NRG3: variants seen among roughly 807,000 people sequenced by gnomAD.
The protein encoded by NRG3 is pro-neuregulin-3, membrane-bound isoform.
A neutral mutation model predicts 66.9 loss-of-function variants in NRG3; 31 were observed. The observed-to-expected ratio is 0.46, with a 90% CI of 0.35 to 0.63. The LOEUF (loss-of-function observed/expected upper bound fraction) is 0.63, where lower values mean the gene tolerates loss of function less well. Ranked by LOEUF, NRG3 falls within the 20% of genes least tolerant of loss-of-function variation. NRG3 has a pLI of 0.00. For synonymous variants in NRG3, 393 were observed against 359.4 expected (o/e 1.09, Z -1.06); for missense variants, 910 against 878.9 (o/e 1.04, Z -0.45).
chr10:82,373,955 C>T (rs1322136746), intron 2 of NRG3, among the ~76,000 whole-genome samples: 1 of 152,122 alleles, frequency 6.6e-6, no homozygotes, highest in Non-Finnish European at 1.5e-5. Flanking sequence ...CCTTTGTGAG[C>T]AAAACCTCTG....
intron 3 of NRG3, among the ~76,000 whole-genome samples, chr10:82,832,445 G>A (rs1344216598): frequency 1.3e-5 from 2 of 152,076 alleles, no homozygotes; most frequent in Admixed American, 6.6e-5. Flanking sequence ...TGTAGTGGTG[G>A]GAGTACAGAT....
At chr10:82,290,690 A>G (rs1418630226) in intron 1 of NRG3, among the ~76,000 whole-genome samples, 1 of 151,532 alleles carries the variant, frequency 6.6e-6, no homozygotes, top group Admixed American at 6.6e-5. Context: ...GCTAGAGTGC[A>G]GTGGCGCGAT....
chr10:81,963,566 A>C (rs2133300237), intron 1 of NRG3, among the ~76,000 whole-genome samples: 1 of 152,312 alleles, frequency 6.6e-6, no homozygotes, highest in South Asian at 2.1e-4. Flanking sequence ...TTGTTGTCTA[A>C]GTTTTGCCTT....
At chr10:82,702,594 G>A (rs2055969425) in intron 2 of NRG3, among the ~76,000 whole-genome samples, 2 of 152,156 alleles carry the variant, frequency 1.3e-5, no homozygotes, top group Non-Finnish European at 2.9e-5. Context: ...GAGTGAGGCA[G>A]ATACAGTGCG....
rs563905343 is a variant in NRG3, at chr10:82,762,510, G to T, written c.1027+23860G>T. On this transcript the variant is annotated intron_variant, in intron 3 of 8. Coordinates refer to ENST00000372141, the MANE Select transcript of NRG3 (RefSeq NM_001010848.4). ...CAAATGATACATGAAATCTGACAGTGATAGCAATACATTGAATATATAAAT... is the reference window on the plus strand; with the variant it reads ...CAAATGATACATGAAATCTGACAGTTATAGCAATACATTGAATATATAAAT... 6.6e-5 allele frequency among the ~76,000 whole-genome samples: 10 copies of T among 152,202 alleles called. No individual in the cohort carries two copies. The South Asian group carries it at 2.1e-3, about 32-fold the overall frequency.
In NRG3 at chr10:82,453,037, G is replaced by C. The variant is rs1248597774; in HGVS notation, c.953+94169G>C. ...TCTAAAAGAGGAGTATGAATCCTTA[G>C]TAGACAGTTTTCCAACTGTACCACT... is the stretch of plus-strand genomic sequence containing the variant. On this transcript the variant is annotated intron_variant, in intron 2 of 8. Coordinates refer to ENST00000372141, the MANE Select transcript of NRG3 (RefSeq NM_001010848.4). Among the ~76,000 whole-genome samples the C allele has an allele frequency of 3.9e-5, 6 of 152,112 alleles. No homozygotes were observed. The East Asian group carries it at 1.2e-3, about 29-fold the overall frequency.
intron 2 of NRG3, among the ~76,000 whole-genome samples, chr10:82,489,581 A>AC (rs1183008120): frequency 6.6e-6 from 1 of 152,094 alleles, no homozygotes; most frequent in Non-Finnish European, 1.5e-5. Flanking sequence ...ATTGTCACAA[A>AC]CAGGGGGCTG....
chr10:82,810,994 T>G (rs1023781376), intron 3 of NRG3, among the ~76,000 whole-genome samples: 3 of 152,174 alleles, frequency 2.0e-5, no homozygotes, highest in Non-Finnish European at 4.4e-5. Context: ...TGTCCTTTAC[T>G]TGCAGTGTTC....
Position 81,875,485 on chromosome 10 carries a change from C to T in NRG3, c.145C>T (p.Pro49Ser). Residue 49 changes from proline (P) to serine (S), a missense_variant, in exon 1 of 9, where the codon CCC becomes TCC. Coordinates refer to ENST00000372141, the MANE Select transcript of NRG3 (RefSeq NM_001010848.4). The surrounding 1 kb of genome is among the most constrained non-coding windows in gnomAD (Gnocchi z 5.3). ...DGGGEGAAEP[P>S]RELRCSDCIV... ...CGGCGGCGAAGGGGCGGCCGAGCCC[C>T]CCCGGGAGTTACGCTGTAGCGACTG... 6.7e-7 allele frequency: 1 copy of T among 1,491,444 alleles called. No individual in the cohort carries two copies. 92.4% of individuals were successfully genotyped at this position (1,491,444 alleles called of 1,614,324 possible).
intron 2 of NRG3, among the ~76,000 whole-genome samples, chr10:82,401,357 A>G (rs2087090560): frequency 6.6e-6 from 1 of 151,282 alleles, no homozygotes; most frequent in African/African-American, 2.4e-5. Context: ...ATATGTATAT[A>G]TGAATATGTA....
intron 2 of NRG3, among the ~76,000 whole-genome samples, chr10:82,572,288 G>A (rs1423214372): frequency 1.3e-5 from 2 of 151,336 alleles, no homozygotes; most frequent in African/African-American, 4.9e-5. Flanking sequence ...CTATCAGGAA[G>A]TTCTTGGTAA....
At chr10:82,055,061 AAG>A (rs2063769664) in intron 1 of NRG3, among the ~76,000 whole-genome samples, 1 of 151,954 alleles carries the variant, frequency 6.6e-6, no homozygotes, top group Admixed American at 6.6e-5. Context: ...GAAAAGAAGA[AAG>A]AAAAGAAAGG....
chr10:82,407,675 A>G (rs1189027381), intron 2 of NRG3, among the ~76,000 whole-genome samples: 1 of 152,184 alleles, frequency 6.6e-6, no homozygotes, highest in Non-Finnish European at 1.5e-5. Flanking sequence ...TGACTACTGT[A>G]TACTGAACGC....
chr10:82,217,078 A>G (rs948909140), intron 1 of NRG3, among the ~76,000 whole-genome samples: 1 of 152,214 alleles, frequency 6.6e-6, no homozygotes, highest in Non-Finnish European at 1.5e-5. Context: ...CTTTTTTTCA[A>G]TTAAAAGTTA....
chr10:82,643,479 A>G (rs2050720665), intron 2 of NRG3, among the ~76,000 whole-genome samples: 1 of 151,982 alleles, frequency 6.6e-6, no homozygotes, highest in Non-Finnish European at 1.5e-5. Flanking sequence ...TCGGGTATGT[A>G]TTTATCAGCA....
chr10:82,431,996 C>T (rs1450680837), intron 2 of NRG3, among the ~76,000 whole-genome samples: 1 of 152,030 alleles, frequency 6.6e-6, no homozygotes, highest in Non-Finnish European at 1.5e-5. Flanking sequence ...CTCCTTCAGA[C>T]CAGATATTCA....
rs116330354 is a variant in NRG3 at position 82,857,955 on chromosome 10, A to T, written c.1028-7456A>T. ...TTTAGGACAGACATTCTAGGATTGA[A>T]CACAGCTCCTGGAAAGGAGCTTTTC... On this transcript the variant is annotated intron_variant, in intron 3 of 8. Coordinates refer to ENST00000372141, the MANE Select transcript of NRG3 (RefSeq NM_001010848.4). Among the ~76,000 whole-genome samples, 419 of 152,294 alleles carry T rather than the reference A, an allele frequency of 2.8e-3. 4 individuals are homozygous for T. The highest frequency in any genetic ancestry group is 9.4e-3 in the African/African-American group (391 of 41,570).
At chr10:82,484,253 G>A (rs1349054197) in intron 2 of NRG3, among the ~76,000 whole-genome samples, 2 of 152,132 alleles carry the variant, frequency 1.3e-5, no homozygotes, top group Non-Finnish European at 1.5e-5. Flanking sequence ...TGGGTGAGAC[G>A]TTAAGTTTCA....
intron 2 of NRG3, among the ~76,000 whole-genome samples, chr10:82,646,270 G>A (rs1455636925): frequency 6.6e-6 from 1 of 152,164 alleles, no homozygotes; most frequent in East Asian, 1.9e-4. Context: ...GTTTATGGGA[G>A]TAATGAGGTA....
Sources: gnomAD v4.1 joint callset for allele counts (sites outside exome capture counted in the v4.1 genomes callset) on GRCh38, gnomAD v4.1.1 for gene constraint, Gnocchi (gnomAD v3.1) non-coding constraint, MANE v1.5 for transcripts, NCBI Gene and HGNC (gene_info 2026-07-23, HGNC 2026-07-21) for gene names.